ZNF609: variants seen among roughly 807,000 people sequenced by gnomAD.
ZNF609 encodes the protein zinc finger protein 609.
ZNF609 carries 11 observed loss-of-function variants against 109.5 expected under a neutral mutation model. The ratio of observed to expected loss-of-function variants is 0.10; its 90% CI spans 0.06 to 0.17. The LOEUF (loss-of-function observed/expected upper bound fraction) is 0.17, where lower values mean the gene tolerates loss of function less well. ZNF609 is among the 10% of genes least tolerant of loss of function. ZNF609 has a pLI of 1.00. For synonymous variants in ZNF609, 646 were observed against 662.0 expected (o/e 0.98, Z 0.37); for missense variants, 1,559 against 1,772.4 (o/e 0.88, Z 2.16).
chr15:64,590,818 C>T (rs1018873284), intron 2 of ZNF609, among the ~76,000 whole-genome samples: 1 of 151,800 alleles, frequency 6.6e-6, no homozygotes, highest in Admixed American at 6.6e-5. Flanking sequence ...GTTATACTAA[C>T]CATAACCATT....
intron 2 of ZNF609, among the ~76,000 whole-genome samples, chr15:64,573,137 A>G (rs1404202036): frequency 2.0e-5 from 3 of 152,066 alleles, no homozygotes; most frequent in African/African-American, 7.2e-5. Flanking sequence ...GAATGATGGA[A>G]TAGTTTAGAG....
chr15:64,546,879 C>T (rs1437713937), intron 2 of ZNF609, among the ~76,000 whole-genome samples: 1 of 150,922 alleles, frequency 6.6e-6, no homozygotes, highest in Non-Finnish European at 1.5e-5. Context: ...CAAGCTCTGC[C>T]TCCCAGGTTC....
intron 2 of ZNF609, among the ~76,000 whole-genome samples, chr15:64,598,156 C>T (rs140881530): frequency 0.014 from 2,140 of 152,274 alleles, 20 homozygotes; most frequent in Non-Finnish European, 0.022. Flanking sequence ...GCTCTGTCAC[C>T]CAGGCTGGAG....
At chr15:64,488,921 AGAAAG>A (rs750515100) in intron 1 of ZNF609, among the ~76,000 whole-genome samples, 13 of 33,060 alleles carry the variant, frequency 3.9e-4, no homozygotes, top group Admixed American at 6.3e-4. Context: ...AAAAAAAGAA[AGAAAG>A]AAAGAAAGAA....
At chr15:64,565,504 T>C (rs906564413) in intron 2 of ZNF609, among the ~76,000 whole-genome samples, 1 of 152,228 alleles carries the variant, frequency 6.6e-6, no homozygotes, top group African/African-American at 2.4e-5. Flanking sequence ...CTTTACTGTT[T>C]ACATCTACTG....
At chr15:64,665,566 CAT>C (rs1334263989) in intron 3 of ZNF609, among the ~76,000 whole-genome samples, 1 of 152,020 alleles carries the variant, frequency 6.6e-6, no homozygotes, top group Non-Finnish European at 1.5e-5. Context: ...GCCTGGGTAA[CAT>C]AGTGAGACTC....
intron 1 of ZNF609, among the ~76,000 whole-genome samples, chr15:64,487,576 C>T (rs1893350359): frequency 6.6e-6 from 1 of 151,990 alleles, no homozygotes; most frequent in African/African-American, 2.4e-5. Context: ...GACCACTTTT[C>T]ATGACTGCTT....
At chr15:64,513,738 C>G (rs564084160) in intron 2 of ZNF609, among the ~76,000 whole-genome samples, 1 of 152,096 alleles carries the variant, frequency 6.6e-6, no homozygotes, top group African/African-American at 2.4e-5. Context: ...CTAGAATCAC[C>G]CTAAGCCTAG....
chr15:64,618,234 C>G (rs938926004), intron 2 of ZNF609, among the ~76,000 whole-genome samples: 8 of 152,094 alleles, frequency 5.3e-5, no homozygotes, highest in Non-Finnish European at 1.0e-4. Flanking sequence ...AAACTTTCCT[C>G]CTGAAATGGG....
intron 3 of ZNF609, among the ~76,000 whole-genome samples, chr15:64,629,170 G>T (rs1340797516): frequency 6.6e-6 from 1 of 152,044 alleles, no homozygotes; most frequent in African/African-American, 2.4e-5. Context: ...CATTTAATCA[G>T]AAATTCCTGT....
At chr15:64,664,689 A>G (rs763530629) in intron 3 of ZNF609, among the ~76,000 whole-genome samples, 16 of 152,108 alleles carry the variant, frequency 1.1e-4, no homozygotes, top group Admixed American at 5.2e-4. Context: ...AACCTCATCA[A>G]TGTGTGTTTC....
Position 64,625,584 on chromosome 15 carries a change from A to G in ZNF609, c.973+2532A>G, listed in dbSNP as rs557046510. Among the ~76,000 whole-genome samples, 123 of 152,052 alleles carry G rather than the reference A, an allele frequency of 8.1e-4. 1 individual carries two copies. Among genetic ancestry groups the G allele is most frequent in the African/African-American group, 2.7e-3 (111 of 41,470 alleles). ...GCATCTATGTCATTGTCATTTCTGG[A>G]TCTATCTTAATATATATCTAGAGGA... On this transcript the variant is annotated intron_variant, in intron 3 of 9. Coordinates refer to ENST00000326648, the MANE Select transcript of ZNF609 (RefSeq NM_015042.2).
At chr15:64,481,591 A>G (rs1893256005) in intron 1 of ZNF609, among the ~76,000 whole-genome samples, 1 of 151,824 alleles carries the variant, frequency 6.6e-6, no homozygotes, top group African/African-American at 2.4e-5. Flanking sequence ...AAGTGCTGGG[A>G]TTACAGGCAT....
chr15:64,664,608 T>C (rs1896622591), intron 3 of ZNF609, among the ~76,000 whole-genome samples: 1 of 152,206 alleles, frequency 6.6e-6, no homozygotes. Flanking sequence ...TTAAGTGTTA[T>C]TTGCTGCTTT....
chr15:64,529,780 G>C (rs1894030428), intron 2 of ZNF609: 1 of 496,496 alleles, frequency 2.0e-6, no homozygotes, highest in South Asian at 1.8e-5. Flanking sequence ...ACCCAGGCTG[G>C]AGTGCAATGG....
chr15:64,573,793 A>C (rs971843012), intron 2 of ZNF609, among the ~76,000 whole-genome samples: 2 of 151,902 alleles, frequency 1.3e-5, no homozygotes, highest in Non-Finnish European at 2.9e-5. Context: ...TGTGCAAGGG[A>C]GTTTGGGATG....
chr15:64,631,628 G>C, intron 3 of ZNF609: 1 of 345,294 alleles, frequency 2.9e-6, no homozygotes, highest in Non-Finnish European at 5.4e-6. Flanking sequence ...CGCCTCCTGG[G>C]TTCAAGCGAT....
intron 2 of ZNF609, among the ~76,000 whole-genome samples, chr15:64,507,753 G>A (rs1272799880): frequency 6.6e-6 from 1 of 152,198 alleles, no homozygotes. Flanking sequence ...GCGTGGCAAA[G>A]CTGTGGAGGA....
intron 1 of ZNF609, among the ~76,000 whole-genome samples, chr15:64,463,022 G>A (rs1596372234): frequency 6.6e-6 from 1 of 152,300 alleles, no homozygotes; most frequent in East Asian, 1.9e-4. Context: ...GGGAGGCTGA[G>A]GCAGGAGGAT....
Sources: allele counts gnomAD v4.1 joint callset (sites outside exome capture counted in the v4.1 genomes callset), GRCh38; gene constraint gnomAD v4.1.1; transcripts MANE v1.5; gene names NCBI Gene and HGNC (gene_info 2026-07-23, HGNC 2026-07-21).